Variants in RGS17 observed in about 807,000 individuals in gnomAD.
The protein encoded by RGS17 is regulator of G-protein signaling 17.
Under a neutral mutation model 25.5 loss-of-function variants are expected in RGS17, and 12 were observed. That is an observed-to-expected ratio of 0.47 (90% CI 0.30 to 0.76). RGS17 has a LOEUF of 0.76. RGS17 is among the 30% of genes least tolerant of loss of function. The pLI is 0.07. For missense variants in RGS17, 196 were observed against 242.2 expected (o/e 0.81, Z 1.27); for synonymous variants, 71 against 76.9 (o/e 0.92, Z 0.40).
rs993460440 is a variant in RGS17, at chr6:153,004,945, G to A, written c.*6629C>T. The A allele has an allele frequency of 2.0e-5, 3 of 152,104 alleles. No homozygotes were observed. The highest frequency in any genetic ancestry group is 7.2e-5 in the African/African-American group (3 of 41,444). 9.4% of individuals were successfully genotyped at this position (152,104 alleles called of 1,614,324 possible). A position where few individuals can be genotyped will look rare whatever the true frequency, so the allele number is the denominator to read the frequency against. Reference sequence around the variant, plus strand: ...ATATAGATTAAGTGTGATGAACATGGTAGTAAAAAATTATACACATTCGAT... The same window carrying A: ...ATATAGATTAAGTGTGATGAACATGATAGTAAAAAATTATACACATTCGAT... On this transcript the variant is annotated 3_prime_UTR_variant, in exon 5 of 5. Transcript: ENST00000206262.
chr6:153,065,976 AG>A (rs1305418513), intron 1 of RGS17, among the ~76,000 whole-genome samples: 8 of 152,142 alleles, frequency 5.3e-5, no homozygotes, highest in Admixed American at 1.3e-4. Context: ...CAATAAAAAA[AG>A]ATCACTGAAA....
intron 1 of RGS17, among the ~76,000 whole-genome samples, chr6:153,073,345 T>C (rs537972967): frequency 2.0e-5 from 3 of 152,286 alleles, no homozygotes; most frequent in Admixed American, 1.3e-4. Flanking sequence ...GAGAGTCTTA[T>C]TAGCATCTAC....
At chr6:153,106,145 T>G (rs1159480729) in intron 1 of RGS17, among the ~76,000 whole-genome samples, 1 of 151,930 alleles carries the variant, frequency 6.6e-6, no homozygotes, top group Non-Finnish European at 1.5e-5. Flanking sequence ...CTGGGGACTG[T>G]GTAGAAGCCA....
Position 153,024,368 on chromosome 6 carries a change from A to G in RGS17, c.338T>C (p.Phe113Ser). ...RTEYSEENLL[F>S]WLACEDLKKE... The stretch of plus-strand genomic sequence containing the variant: ...CTTTAAGTCTTCACAAGCAAGCCAG[A>G]AAAGTAGGTTCTCTTCACTGTATTC... The change falls in exon 4 of 5, where the codon TTC becomes TCC. Residue 113 changes from phenylalanine (F) to serine (S), a missense_variant. Coordinates refer to ENST00000206262, the MANE Select transcript of RGS17 (RefSeq NM_012419.5). 1 of 1,614,166 alleles carries G rather than the reference A, an allele frequency of 6.2e-7. No individual in the cohort carries two copies. Among genetic ancestry groups the G allele is most frequent in the Non-Finnish European group, 8.5e-7 (1 of 1,179,992 alleles).
chr6:153,018,020 A>G (rs530800548), intron 4 of RGS17, among the ~76,000 whole-genome samples: 7 of 152,052 alleles, frequency 4.6e-5, no homozygotes, highest in South Asian at 2.1e-4. Context: ...TGTGCTTGTT[A>G]TTTCTCCTGA....
rs1296350777 is a variant in RGS17 at position 153,010,858 on chromosome 6, T to C, written c.*716A>G. The C allele has an allele frequency of 6.6e-6, 1 of 151,760 alleles. No individual in the cohort carries two copies. The highest frequency in any genetic ancestry group is 2.4e-5 in the African/African-American group (1 of 41,226). The allele number at this position is 151,760 out of a possible 1,614,324, so 9.4% of individuals were successfully genotyped here. A position where few individuals can be genotyped will look rare whatever the true frequency, so the allele number is the denominator to read the frequency against. On this transcript the variant is annotated 3_prime_UTR_variant, in exon 5 of 5. Coordinates refer to ENST00000206262, the MANE Select transcript of RGS17 (RefSeq NM_012419.5). ...TCATTGAGATAGGATATCTTCAAAT[T>C]GTTTTGTGCTTTTTTCCTTCTTCCC... is the stretch of plus-strand genomic sequence containing the variant.
intron 1 of RGS17, among the ~76,000 whole-genome samples, chr6:153,081,225 T>C (rs569088560): frequency 4.1e-4 from 62 of 152,116 alleles, no homozygotes; most frequent in Non-Finnish European, 8.4e-4. Flanking sequence ...TGTCAATTTT[T>C]CTGTTTCTCC....
intron 1 of RGS17, among the ~76,000 whole-genome samples, chr6:153,104,202 T>G (rs1274940873): frequency 1.3e-5 from 2 of 152,260 alleles, no homozygotes; most frequent in Non-Finnish European, 2.9e-5. Flanking sequence ...TAATTCAATG[T>G]TGTTTCTTCA....
intron 1 of RGS17, among the ~76,000 whole-genome samples, chr6:153,093,426 G>A (rs181008701): frequency 6.6e-6 from 1 of 152,292 alleles, no homozygotes; most frequent in African/African-American, 2.4e-5. Context: ...TGCGACTATA[G>A]TCTTGGTTTG....
At chr6:153,113,204 A>T (rs1341966068) in intron 1 of RGS17, among the ~76,000 whole-genome samples, 1 of 152,240 alleles carries the variant, frequency 6.6e-6, no homozygotes, top group Non-Finnish European at 1.5e-5. Context: ...AGACACACAT[A>T]AGCTGAAAAT....
intron 1 of RGS17, among the ~76,000 whole-genome samples, chr6:153,116,182 G>C (rs1363706276): frequency 6.6e-6 from 1 of 152,066 alleles, no homozygotes; most frequent in Non-Finnish European, 1.5e-5. Context: ...GTCTGACAAA[G>C]GGCTAATATT....
intron 1 of RGS17, among the ~76,000 whole-genome samples, chr6:153,078,093 C>T (rs144881725): frequency 6.6e-6 from 1 of 152,054 alleles, no homozygotes; most frequent in African/African-American, 2.4e-5. Context: ...AGGCTGGTCT[C>T]GAACTCCTGA....
Position 153,041,452 on chromosome 6 carries a change from T to C in RGS17, c.119+2448A>G, listed in dbSNP as rs1300153456. On this transcript the variant is annotated intron_variant, in intron 2 of 4. Coordinates refer to ENST00000206262, the MANE Select transcript of RGS17 (RefSeq NM_012419.5). ...TGTTTTGTTCTCCATCTATTGCCTG[T>C]GTACTGCAATAATCTCTTGCTCATG... Among the ~76,000 whole-genome samples, 6 of 152,236 alleles carry C rather than the reference T, an allele frequency of 3.9e-5. 1 individual carries two copies. In the South Asian group the frequency reaches 8.3e-4, roughly 21 times the overall value.
intron 2 of RGS17, among the ~76,000 whole-genome samples, chr6:153,029,976 G>A (rs570218587): frequency 6.6e-6 from 1 of 152,160 alleles, no homozygotes; most frequent in Non-Finnish European, 1.5e-5. Context: ...AGCAATAAAA[G>A]CCACAAAGAG....
At chr6:153,114,512 G>A (rs1384991953) in intron 1 of RGS17, among the ~76,000 whole-genome samples, 3 of 152,156 alleles carry the variant, frequency 2.0e-5, no homozygotes, top group Non-Finnish European at 4.4e-5. Flanking sequence ...ACAAAGAGGA[G>A]CTGATATCAT....
chr6:153,076,960 A>C (rs1163589511), intron 1 of RGS17, among the ~76,000 whole-genome samples: 1 of 151,234 alleles, frequency 6.6e-6, no homozygotes, highest in Non-Finnish European at 1.5e-5. Flanking sequence ...AATATCACAT[A>C]TTCTGCACTA....
intron 1 of RGS17, among the ~76,000 whole-genome samples, chr6:153,060,806 C>G (rs1256376452): frequency 6.6e-6 from 1 of 151,552 alleles, no homozygotes; most frequent in Non-Finnish European, 1.5e-5. Flanking sequence ...ATAAATCTAT[C>G]TTGCAGTGAT....
intron 1 of RGS17, among the ~76,000 whole-genome samples, chr6:153,058,678 C>G (rs1283291476): frequency 6.6e-6 from 1 of 152,192 alleles, no homozygotes; most frequent in East Asian, 1.9e-4. Flanking sequence ...TCACCAAGTA[C>G]AGATAGTTAT....
At chr6:153,102,986 A>G (rs1274878753) in intron 1 of RGS17, among the ~76,000 whole-genome samples, 2 of 152,256 alleles carry the variant, frequency 1.3e-5, no homozygotes, top group African/African-American at 4.8e-5. Context: ...TGCTATTGAA[A>G]AGCATTATGG....
Sources: gnomAD v4.1 joint callset for allele counts (sites outside exome capture counted in the v4.1 genomes callset) on GRCh38, gnomAD v4.1.1 for gene constraint, MANE v1.5 for transcripts, NCBI Gene and HGNC (gene_info 2026-07-23, HGNC 2026-07-21) for gene names.